Variants in PDE1A observed in about 807,000 individuals in gnomAD.
PDE1A encodes the protein dual specificity calcium/calmodulin-dependent 3',5'-cyclic nucleotide phosphodiesterase 1A.
PDE1A carries 35 observed loss-of-function variants against 61.7 expected under a neutral mutation model. The observed-to-expected ratio is 0.57, with a 90% confidence interval of 0.43 to 0.75. The LOEUF is 0.75. PDE1A is among the 30% of genes least tolerant of loss of function. The pLI, the probability that PDE1A is intolerant of heterozygous loss-of-function variation, is 0.00. For synonymous variants in PDE1A, 232 were observed against 213.2 expected (o/e 1.09, Z -0.77); for missense variants, 597 against 630.6 (o/e 0.95, Z 0.57).
At chr2:182,540,087 G>A in the PDE1A span, among the ~76,000 whole-genome samples, 1 of 152,138 alleles carries the variant, frequency 6.6e-6, no homozygotes, top group Non-Finnish European at 1.5e-5. Flanking sequence ...GGAAGTGGCT[G>A]GGTGCAGTGG....
chr2:182,641,312 C>G, the PDE1A span, among the ~76,000 whole-genome samples: 1 of 151,910 alleles, frequency 6.6e-6, no homozygotes, highest in Non-Finnish European at 1.5e-5. Flanking sequence ...GATTACCTAA[C>G]CAGAAAATCA....
the PDE1A span, among the ~76,000 whole-genome samples, chr2:182,532,729 G>A: frequency 3.4e-5 from 5 of 148,686 alleles, no homozygotes; most frequent in Admixed American, 3.3e-4. Context: ...AGGCCGAGGC[G>A]GGCGGATCGA....
At chr2:182,304,270 T>C (rs1166655675) in intron 1 of PDE1A, among the ~76,000 whole-genome samples, 1 of 152,180 alleles carries the variant, frequency 6.6e-6, no homozygotes, top group Non-Finnish European at 1.5e-5. Context: ...TCTATCTTCA[T>C]ATAATTGAAG....
chr2:182,348,362 G>A (rs1051645441), intron 1 of PDE1A, among the ~76,000 whole-genome samples: 18 of 152,054 alleles, frequency 1.2e-4, no homozygotes, highest in Admixed American at 3.9e-4. Flanking sequence ...AGATAGAGAA[G>A]GTGAATGGGG....
chr2:182,424,732 T>C (rs757721023), intron 1 of PDE1A, among the ~76,000 whole-genome samples: 1 of 152,228 alleles, frequency 6.6e-6, no homozygotes, highest in Non-Finnish European at 1.5e-5. Flanking sequence ...TCTTTTAAGA[T>C]ATTCTCCATC....
At chr2:182,660,587 CAA>C in the PDE1A span, among the ~76,000 whole-genome samples, 1 of 152,152 alleles carries the variant, frequency 6.6e-6, no homozygotes, top group Non-Finnish European at 1.5e-5. Flanking sequence ...GTGATCCCTT[CAA>C]AGCAAGAATT....
chr2:182,679,093 C>A, the PDE1A span, among the ~76,000 whole-genome samples: 1 of 150,948 alleles, frequency 6.6e-6, no homozygotes. Context: ...CAACCTCCAC[C>A]TCCTGGGTTC....
At chr2:182,714,165 T>G in the PDE1A span, among the ~76,000 whole-genome samples, 2 of 152,256 alleles carry the variant, frequency 1.3e-5, no homozygotes, top group Admixed American at 6.5e-5. Context: ...ACCTACCATA[T>G]AGTAAGAACA....
chr2:182,256,884 C>G (rs1264231209), intron 2 of PDE1A, among the ~76,000 whole-genome samples: 3 of 152,102 alleles, frequency 2.0e-5, no homozygotes, highest in Non-Finnish European at 2.9e-5. Flanking sequence ...TTTTTGTACT[C>G]GAGCAAATTC....
At chr2:182,296,478 A>G (rs1694892839) in intron 1 of PDE1A, among the ~76,000 whole-genome samples, 1 of 152,236 alleles carries the variant, frequency 6.6e-6, no homozygotes, top group Non-Finnish European at 1.5e-5. Flanking sequence ...ATATACAGAT[A>G]TAGACACAGA....
At chr2:182,458,984 T>G (rs1398020029) in intron 2 of PDE1A, among the ~76,000 whole-genome samples, 3 of 152,108 alleles carry the variant, frequency 2.0e-5, no homozygotes, top group Non-Finnish European at 4.4e-5. Flanking sequence ...TTCTTTTTTA[T>G]TCTTACACAA....
At chr2:182,698,053 C>A in the PDE1A span, among the ~76,000 whole-genome samples, 44 of 152,306 alleles carry the variant, frequency 2.9e-4, no homozygotes, top group Non-Finnish European at 4.9e-4. Context: ...TTCTGTTAAA[C>A]TCCTCTCAGG....
At chr2:182,561,819 T>C in the PDE1A span, among the ~76,000 whole-genome samples, 5 of 152,152 alleles carry the variant, frequency 3.3e-5, no homozygotes, top group East Asian at 1.9e-4. Flanking sequence ...TTTGAAGCAA[T>C]TGTGAATGGG....
intron 1 of PDE1A, among the ~76,000 whole-genome samples, chr2:182,365,086 C>T (rs1699762948): frequency 6.6e-6 from 1 of 152,016 alleles, no homozygotes; most frequent in South Asian, 2.1e-4. Flanking sequence ...AGAAGGTTCT[C>T]CCTAATTCTA....
At chr2:182,397,208 T>A (rs1392877762) in intron 1 of PDE1A, among the ~76,000 whole-genome samples, 3 of 152,308 alleles carry the variant, frequency 2.0e-5, no homozygotes, top group Admixed American at 2.0e-4. Context: ...AAATATGTAG[T>A]AACAATAATG....
chr2:182,471,881 C>T (rs886609718), intron 2 of PDE1A, among the ~76,000 whole-genome samples: 4 of 151,676 alleles, frequency 2.6e-5, no homozygotes, highest in Non-Finnish European at 5.9e-5. Context: ...CCCAAATAAT[C>T]CCATTTAAAA....
At chr2:182,230,668 C>T (rs957089830) in intron 5 of PDE1A, among the ~76,000 whole-genome samples, 7 of 152,088 alleles carry the variant, frequency 4.6e-5, no homozygotes, top group African/African-American at 1.7e-4. Flanking sequence ...TTAAGAAAAG[C>T]TGGCAATAAA....
At chr2:182,532,474 G>C in the PDE1A span, among the ~76,000 whole-genome samples, 1 of 152,128 alleles carries the variant, frequency 6.6e-6, no homozygotes, top group Admixed American at 6.5e-5. Flanking sequence ...ATGCAGAAAA[G>C]GCAAATCTAG....
upstream of PDE1A, among the ~76,000 whole-genome samples, chr2:182,429,980 T>G (rs1703850477): frequency 6.6e-6 from 1 of 152,158 alleles, no homozygotes; most frequent in African/African-American, 2.4e-5. Context: ...AAACAACATT[T>G]AATTAAACAC....
Sources: allele counts gnomAD v4.1 joint callset (sites outside exome capture counted in the v4.1 genomes callset), GRCh38; gene constraint gnomAD v4.1.1; transcripts MANE v1.5; gene names NCBI Gene and HGNC (gene_info 2026-07-23, HGNC 2026-07-21).